AP2A2: variants seen among roughly 807,000 people sequenced by gnomAD.
AP2A2 encodes adaptor related protein complex 2 subunit alpha 2.
AP2A2 carries 32 observed loss-of-function variants against 104.2 expected under a neutral mutation model. That is an observed-to-expected ratio of 0.31 (90% confidence interval 0.23 to 0.41). AP2A2 has a LOEUF of 0.41. AP2A2 is among the 10% of genes least tolerant of loss of function. The pLI, the probability that AP2A2 is intolerant of heterozygous loss-of-function variation, is 1.00. For synonymous variants in AP2A2, 539 were observed against 533.3 expected, an observed-to-expected ratio of 1.01 and a Z score of -0.15; for missense variants, 912 against 1,261.0, an observed-to-expected ratio of 0.72 and a Z score of 4.19.
chr11:1,008,399 C>A, intron 18 of AP2A2: 1 of 450,720 alleles, frequency 2.2e-6, no homozygotes, highest in South Asian at 3.8e-5. Context: ...CACCATGGGG[C>A]CCACCTCATG....
chr11:941,572 G>GACCTTTTAGTAAATCAAATT, intron 1 of AP2A2, among the ~76,000 whole-genome samples: 1 of 151,250 alleles, frequency 6.6e-6, no homozygotes, highest in South Asian at 2.1e-4. Flanking sequence ...ATGAGCCACT[G>GACCTTTTAGTAAATCAAATT]TGGCTGGCTG....
At chr11:966,774 G>A (rs1854631783) in intron 2 of AP2A2, among the ~76,000 whole-genome samples, 3 of 152,276 alleles carry the variant, frequency 2.0e-5, no homozygotes, top group Admixed American at 6.5e-5. Context: ...GCCAGTCAGG[G>A]CACTGTCCCT....
rs932354416 is a variant in AP2A2 at position 998,420 on chromosome 11, A to G, written c.1957-2012A>G. ...TCATTTATCTTTGAGTAAAATTCATATATCACAAACCCACACATGTAGTTT... is the reference window on the plus strand; with the variant it reads ...TCATTTATCTTTGAGTAAAATTCATGTATCACAAACCCACACATGTAGTTT... On this transcript the variant is annotated intron_variant, in intron 14 of 21. Transcript: ENST00000448903. Among the ~76,000 whole-genome samples the G allele has an allele frequency of 3.3e-5, 5 of 150,150 alleles. No individual in the cohort carries two copies. In the South Asian group the frequency reaches 8.4e-4, roughly 25 times the overall value.
At chr11:977,366 G>A in intron 5 of AP2A2, 142 bp downstream of exon 5, 1 of 1,170,200 alleles carries the variant, frequency 8.5e-7, no homozygotes, top group East Asian at 2.7e-5. Flanking sequence ...TGAGGCCACG[G>A]GGGCCCTTCC....
At chr11:975,006 T>C (rs1854973051) in intron 4 of AP2A2, among the ~76,000 whole-genome samples, 2 of 152,042 alleles carry the variant, frequency 1.3e-5, no homozygotes, top group African/African-American at 4.8e-5. Flanking sequence ...AAAAACATGC[T>C]CGGGAAGGAG....
intron 1 of AP2A2, among the ~76,000 whole-genome samples, chr11:955,855 C>T (rs1854216542): frequency 6.6e-6 from 1 of 152,202 alleles, no homozygotes; most frequent in African/African-American, 2.4e-5. Flanking sequence ...GAGTTCGGCC[C>T]TGTGACTGCG....
At position 932,821 on chromosome 11, in the gene AP2A2, G is replaced by A. The variant is rs1440750853; in HGVS notation, c.67+6733G>A. 8.9e-6 allele frequency: 4 copies of A among 447,952 alleles called. No individual in the cohort carries two copies. The East Asian group carries it at 2.8e-4, about 32-fold the overall frequency. The allele number at this position is 447,952 out of a possible 1,614,324, so 27.7% of individuals were successfully genotyped here. Reference sequence around the variant, plus strand: ...TATGACAAGTTGAAGTGTCCTGGTGGTGAACATATTTTGTGCCAGATACTT... The same window carrying A: ...TATGACAAGTTGAAGTGTCCTGGTGATGAACATATTTTGTGCCAGATACTT... On this transcript the variant is annotated intron_variant, in intron 1 of 21. Coordinates refer to ENST00000448903, the MANE Select transcript of AP2A2 (RefSeq NM_012305.4).
Position 1,009,729 on chromosome 11 carries a change from C to A in AP2A2, c.2654C>A (p.Pro885His). 6.4e-7 allele frequency: 1 copy of A among 1,561,414 alleles called. No individual in the cohort carries two copies. The highest frequency in any genetic ancestry group is 1.9e-5 in the Admixed American group (1 of 52,418). The change falls in exon 21 of 22, where the codon CCT becomes CAT. Residue 885 changes from proline to histidine, a missense_variant. Coordinates refer to ENST00000448903, the MANE Select transcript of AP2A2 (RefSeq NM_012305.4). Reference sequence around the variant, plus strand: ...CTTCTTGAAGAAGTTGATCCTAATCCTGCGAATTTCGTGGGAGCTGGAATC... The same window carrying A: ...CTTCTTGAAGAAGTTGATCCTAATCATGCGAATTTCGTGGGAGCTGGAATC... ...SALLEEVDPN[P>H]ANFVGAGIIH...
intron 2 of AP2A2, among the ~76,000 whole-genome samples, chr11:959,736 AG>A (rs1854365754): frequency 6.6e-6 from 1 of 152,210 alleles, no homozygotes; most frequent in Non-Finnish European, 1.5e-5. Context: ...GCACTGGTCT[AG>A]TGCCCAGCTG....
At chr11:1,006,344 A>T (rs540637961) in intron 16 of AP2A2, among the ~76,000 whole-genome samples, 184 bp from the exon 17 acceptor site, 1 of 152,350 alleles carries the variant, frequency 6.6e-6, no homozygotes, top group South Asian at 2.1e-4. Context: ...GGCCCGTGTT[A>T]CCAGCACTGG....
Position 1,011,573 on chromosome 11 carries a change from C to G in AP2A2, c.*948C>G. 1 of 449,696 alleles carries G rather than the reference C, an allele frequency of 2.2e-6. No individual in the cohort carries two copies. Among genetic ancestry groups the G allele is most frequent in the Non-Finnish European group, 4.5e-6 (1 of 223,856 alleles). 27.9% of individuals were successfully genotyped at this position (449,696 alleles called of 1,614,324 possible). A position where few individuals can be genotyped will look rare whatever the true frequency, so the allele number is the denominator to read the frequency against. ...CTGCGGCTTGTGTCTCACCTGTCAT[C>G]TGGACTCAGCACCCAGGCTGCACGT... On this transcript the variant is annotated 3_prime_UTR_variant, in exon 22 of 22. Transcript: ENST00000448903.
chr11:981,382 G>T, intron 6 of AP2A2, 83 bp downstream of exon 6: 1 of 1,198,736 alleles, frequency 8.3e-7, no homozygotes. Context: ...AGAATGCAAG[G>T]TATTTGATCA....
chr11:997,427 CCTG>C (rs762139489), intron 14 of AP2A2, among the ~76,000 whole-genome samples: 3 of 152,142 alleles, frequency 2.0e-5, no homozygotes, highest in Non-Finnish European at 4.4e-5. Context: ...AGGAGCCAGG[CCTG>C]CTCCCTGAGG....
chr11:949,974 T>C, intron 1 of AP2A2, among the ~76,000 whole-genome samples: 1 of 152,082 alleles, frequency 6.6e-6, no homozygotes, highest in Non-Finnish European at 1.5e-5. Flanking sequence ...ATTCCAAAAC[T>C]TAATACACAA....
chr11:970,320 C>T lies in AP2A2; in HGVS notation c.279+9C>T, dbSNP rs114811135. The T allele has an allele frequency of 4.1e-3, 6,642 of 1,612,930 alleles. 200 individuals carry two copies. In the African/African-American group the frequency reaches 0.067, roughly 16 times the overall value. On this transcript the variant is annotated intron_variant, in intron 3 of 21. Coordinates refer to ENST00000448903, the MANE Select transcript of AP2A2 (RefSeq NM_012305.4). The stretch of plus-strand genomic sequence containing the variant: ...ACACGGAAAAGCAGATCGTGAGTAT[C>T]GCTGCAGGTGGAGACGGCAGAGGAT...
chr11:941,007 A>G (rs1257915002), intron 1 of AP2A2: 3 of 436,604 alleles, frequency 6.9e-6, no homozygotes, highest in African/African-American at 6.1e-5. Context: ...CTTGCTCCAC[A>G]CTCCGTGGAG....
chr11:993,306 A>G lies in AP2A2; in HGVS notation c.1475A>G (p.His492Arg). The part of the protein sequence containing the change: ...VFEALQAPAC[H>R]ENLVKVGGYI... ...CAGGCTCTTCAGGCTCCCGCGTGCC[A>G]CGAGAACCTGGTCAAAGTGGGCGGC... is the stretch of plus-strand genomic sequence containing the variant. Residue 492 changes from histidine to arginine, a missense_variant, in exon 12 of 22, where the codon CAC becomes CGC. Coordinates refer to ENST00000448903, the MANE Select transcript of AP2A2 (RefSeq NM_012305.4). The surrounding 1 kb of genome is among the most constrained non-coding windows in gnomAD (Gnocchi z 8.2). 1 of 1,611,446 alleles carries G rather than the reference A, an allele frequency of 6.2e-7. No individual in the cohort carries two copies. Among genetic ancestry groups the G allele is most frequent in the Non-Finnish European group, 8.5e-7 (1 of 1,179,232 alleles).
At chr11:1,003,405 C>T (rs1396271402) in intron 15 of AP2A2, among the ~76,000 whole-genome samples, 1 of 152,240 alleles carries the variant, frequency 6.6e-6, no homozygotes, top group East Asian at 1.9e-4. Context: ...AAGCTGTGTG[C>T]GTGCCTCACG....
Position 997,878 on chromosome 11 carries a change from C to T in AP2A2, c.1957-2554C>T, listed in dbSNP as rs146465857. Among the ~76,000 whole-genome samples the T allele has an allele frequency of 9.7e-3, 1,470 of 152,288 alleles. 27 individuals are homozygous for T. The highest frequency in any genetic ancestry group is 0.034 in the African/African-American group (1,403 of 41,558). On this transcript the variant is annotated intron_variant, in intron 14 of 21. Transcript: ENST00000448903. ...TGAGATTGCACCACTGCACTCCAGC[C>T]TGGGTAACAGAGTGAGACTCGGTCT...
Sources: gnomAD v4.1 joint callset for allele counts (sites outside exome capture counted in the v4.1 genomes callset) on GRCh38, gnomAD v4.1.1 for gene constraint, Gnocchi (gnomAD v3.1) non-coding constraint, MANE v1.5 for transcripts, NCBI Gene and HGNC (gene_info 2026-07-23, HGNC 2026-07-21) for gene names.